DGKI: variants seen among roughly 807,000 people sequenced by gnomAD.
DGKI encodes the protein diacylglycerol kinase iota.
Under a neutral mutation model 147.5 loss-of-function variants are expected in DGKI, and 55 were observed. That is an observed-to-expected ratio of 0.37 (90% CI 0.30 to 0.47). DGKI has a LOEUF of 0.47. DGKI is among the 20% of genes least tolerant of loss of function. DGKI has a pLI of 1.00. For synonymous variants in DGKI, 469 were observed against 477.1 expected (o/e 0.98, Z 0.22); for missense variants, 1,007 against 1,323.8 (o/e 0.76, Z 3.71).
chr7:137,799,970 G>T (rs1241920114), intron 1 of DGKI, among the ~76,000 whole-genome samples: 1 of 152,142 alleles, frequency 6.6e-6, no homozygotes, highest in Non-Finnish European at 1.5e-5. Context: ...CAGTTTTTCA[G>T]TACGGTTCTC....
At chr7:137,540,761 C>CAA (rs1563075671) in intron 20 of DGKI, among the ~76,000 whole-genome samples, 667 of 35,510 alleles carry the variant, frequency 0.019, 208 homozygotes, top group Middle Eastern at 0.062. Context: ...AAAAACCCCC[C>CAA]CAAAAAAAAA....
At chr7:137,701,476 T>G (rs1335772221) in intron 1 of DGKI, among the ~76,000 whole-genome samples, 1 of 152,152 alleles carries the variant, frequency 6.6e-6, no homozygotes, top group African/African-American at 2.4e-5. Context: ...ATCAACTCAT[T>G]CTACAGAATG....
chr7:137,690,046 A>G, intron 1 of DGKI, 44 bp from the exon 2 acceptor site: 1 of 1,497,452 alleles, frequency 6.7e-7, no homozygotes, highest in South Asian at 1.2e-5. Flanking sequence ...AGAAAAACCA[A>G]CATCAGAATC....
intron 29 of DGKI, 32 bp downstream of exon 29, chr7:137,412,138 A>G (rs764475754): frequency 1.6e-5 from 26 of 1,602,200 alleles, no homozygotes; most frequent in South Asian, 5.5e-5. Context: ...TTCTTAAAGC[A>G]TCGCCAAAGA....
chr7:137,795,209 A>T lies in DGKI; in HGVS notation c.401+51253T>A, dbSNP rs73446715. Reference sequence around the variant, plus strand: ...GAACAGTGAGCTCTGTGATACTTAAACCTACCCTATTCCTATTCCCATCTC... The same window carrying T: ...GAACAGTGAGCTCTGTGATACTTAATCCTACCCTATTCCTATTCCCATCTC... On this transcript the variant is annotated intron_variant, in intron 1 of 32. Coordinates refer to ENST00000614521, the MANE Select transcript of DGKI (RefSeq NM_001321708.2). Among the ~76,000 whole-genome samples, 939 of 152,320 alleles carry T rather than the reference A, an allele frequency of 6.2e-3. 10 individuals carry two copies. The highest frequency in any genetic ancestry group is 0.02 in the African/African-American group (845 of 41,572).
chr7:137,472,288 G>GTATATACATTAAATAT (rs1161207418), intron 23 of DGKI, among the ~76,000 whole-genome samples: 3 of 23,614 alleles, frequency 1.3e-4, no homozygotes, highest in African/African-American at 3.4e-4. Context: ...AATATTATAT[G>GTATATACATTAAATAT]TATGTGTATA....
chr7:137,828,095 A>G (rs1018575899), intron 1 of DGKI, among the ~76,000 whole-genome samples: 6 of 152,210 alleles, frequency 3.9e-5, no homozygotes, highest in Non-Finnish European at 7.3e-5. Context: ...TAGACAGGTC[A>G]ATGTCTTGCT....
chr7:137,465,469 G>A (rs1814617685), intron 26 of DGKI, among the ~76,000 whole-genome samples: 1 of 152,176 alleles, frequency 6.6e-6, no homozygotes, highest in African/African-American at 2.4e-5. Flanking sequence ...AAACAGAAGA[G>A]AGACACAGGA....
chr7:137,416,524 A>G (rs1812366741), intron 28 of DGKI, among the ~76,000 whole-genome samples: 1 of 152,198 alleles, frequency 6.6e-6, no homozygotes, highest in Non-Finnish European at 1.5e-5. Context: ...CCAAGGTTTC[A>G]CAGGAACCAC....
chr7:137,591,593 C>T (rs1208560469), intron 12 of DGKI, among the ~76,000 whole-genome samples: 1 of 152,130 alleles, frequency 6.6e-6, no homozygotes, highest in African/African-American at 2.4e-5. Context: ...CTCAGCTCCA[C>T]CACAAATTGG....
intron 1 of DGKI, among the ~76,000 whole-genome samples, chr7:137,795,459 A>G (rs1377335861): frequency 6.6e-6 from 1 of 152,246 alleles, no homozygotes; most frequent in Non-Finnish European, 1.5e-5. Context: ...GCTATTACTC[A>G]GTGAGGAAAT....
Position 137,806,995 on chromosome 7 carries a change from A to C in DGKI, c.401+39467T>G, listed in dbSNP as rs549682010. 3.9e-5 allele frequency among the ~76,000 whole-genome samples: 6 copies of C among 152,338 alleles called. No individual in the cohort carries two copies. The East Asian group carries it at 9.6e-4, about 24-fold the overall frequency. On this transcript the variant is annotated intron_variant, in intron 1 of 32. Transcript: ENST00000614521. ...TTCATCCACTATGAGCCCTCGAAAT[A>C]AGGAGCTGATGCAGTATGAGGCACA...
chr7:137,616,869 G>T (rs530332928), intron 8 of DGKI, among the ~76,000 whole-genome samples: 103 of 151,948 alleles, frequency 6.8e-4, no homozygotes, highest in African/African-American at 2.4e-3. Context: ...TGAAGGAAAG[G>T]TCTCTTTTCT....
chr7:137,440,911 G>T (rs1486075596), intron 28 of DGKI, among the ~76,000 whole-genome samples: 2 of 152,036 alleles, frequency 1.3e-5, no homozygotes, highest in Non-Finnish European at 2.9e-5. Context: ...TAAGCTAAAT[G>T]GTGTATTAAA....
chr7:137,802,577 G>C lies in DGKI; in HGVS notation c.401+43885C>G, dbSNP rs796558119. Reference sequence around the variant, plus strand: ...ATAAATAGGGTTATGGCTTTATGAGGACATGAGACTTGCCCATTAATTTGC... The same window carrying C: ...ATAAATAGGGTTATGGCTTTATGAGCACATGAGACTTGCCCATTAATTTGC... On this transcript the variant is annotated intron_variant, in intron 1 of 32. Transcript: ENST00000614521. Among the ~76,000 whole-genome samples, 5 of 152,228 alleles carry C rather than the reference G, an allele frequency of 3.3e-5. No homozygotes were observed. The South Asian group carries it at 8.3e-4, about 25-fold the overall frequency.
At chr7:137,625,283 A>G (rs777653162) in intron 6 of DGKI, among the ~76,000 whole-genome samples, 10 of 151,172 alleles carry the variant, frequency 6.6e-5, no homozygotes, top group Non-Finnish European at 1.2e-4. Flanking sequence ...AACATGGGGA[A>G]ACCCCGTCTG....
chr7:137,706,519 T>TATTTTATTTC (rs1180420349), intron 1 of DGKI, among the ~76,000 whole-genome samples: 1 of 144,016 alleles, frequency 6.9e-6, no homozygotes, highest in African/African-American at 2.5e-5. Context: ...TATTTCATTT[T>TATTTTATTTC]ATTTTATTTC....
chr7:137,658,586 T>C (rs941234808), intron 3 of DGKI, among the ~76,000 whole-genome samples: 1 of 152,228 alleles, frequency 6.6e-6, no homozygotes, highest in Non-Finnish European at 1.5e-5. Context: ...TGTCCTAGTC[T>C]AGCTTCGTGC....
intron 27 of DGKI, 86 bp downstream of exon 27, chr7:137,463,403 C>A: frequency 6.5e-7 from 1 of 1,549,188 alleles, no homozygotes; most frequent in South Asian, 1.2e-5. Context: ...AAAAGAGAAT[C>A]CTGACCACTG....
Sources: gnomAD v4.1 joint callset for allele counts (sites outside exome capture counted in the v4.1 genomes callset) on GRCh38, gnomAD v4.1.1 for gene constraint, MANE v1.5 for transcripts, NCBI Gene and HGNC (gene_info 2026-07-23, HGNC 2026-07-21) for gene names.